Variants in MED12L observed in about 807,000 individuals in gnomAD.
MED12L encodes the protein mediator of RNA polymerase II transcription subunit 12-like protein.
MED12L carries 60 observed loss-of-function variants against 281.3 expected under a neutral mutation model. That is an observed-to-expected ratio of 0.21 (90% confidence interval 0.17 to 0.26). MED12L has a LOEUF of 0.26. Ranked by LOEUF, MED12L falls within the 10% of genes least tolerant of loss-of-function variation. The pLI is 1.00. For missense variants in MED12L, 2,146 were observed against 2,680.9 expected, an observed-to-expected ratio of 0.80 and a Z score of 4.41; for synonymous variants, 974 against 987.2, an observed-to-expected ratio of 0.99 and a Z score of 0.25.
chr3:151,423,207 G>A (rs932174428), intron 43 of MED12L, among the ~76,000 whole-genome samples: 3 of 151,160 alleles, frequency 2.0e-5, no homozygotes, highest in Non-Finnish European at 4.4e-5. Context: ...TATACTTTAA[G>A]TTCTGGGGTA....
At position 151,329,038 on chromosome 3, in the gene MED12L, A is replaced by T. The variant is rs367643722; in HGVS notation, c.2251-21021A>T. On this transcript the variant is annotated intron_variant, in intron 16 of 44. Coordinates refer to ENST00000687756, the MANE Select transcript of MED12L (RefSeq NM_001393769.1). ...ACCAATAAACATATATACAAACAAA[A>T]GAAAACAAAAAGCCCTTCATGATTT... 4.0e-6 allele frequency: 6 copies of T among 1,483,582 alleles called. No individual in the cohort carries two copies. The African/African-American group carries it at 7.1e-5, about 17-fold the overall frequency. The allele number at this position is 1,483,582 out of a possible 1,614,324, so 91.9% of individuals were successfully genotyped here. A position where few individuals can be genotyped will look rare whatever the true frequency, so the allele number is the denominator to read the frequency against.
In MED12L at chr3:151,237,748, T is replaced by C. The variant is rs180919328; in HGVS notation, c.2250+44082T>C. ...CAGTCCTCTCTGACGTTTTATCTTT[T>C]CAGATTAAAAATTTTTTTCTTATGA... On this transcript the variant is annotated intron_variant, in intron 16 of 44. Coordinates refer to ENST00000687756, the MANE Select transcript of MED12L (RefSeq NM_001393769.1). Among the ~76,000 whole-genome samples, 61 of 152,338 alleles carry C rather than the reference T, an allele frequency of 4.0e-4. No homozygotes were observed. In the East Asian group the frequency reaches 0.011, roughly 26 times the overall value.
chr3:151,279,818 G>C (rs1355939613), intron 16 of MED12L, among the ~76,000 whole-genome samples: 1 of 152,182 alleles, frequency 6.6e-6, no homozygotes, highest in East Asian at 1.9e-4. Flanking sequence ...GTATCTCTAA[G>C]GTGCGACTCT....
chr3:151,325,020 T>A (rs1749426776), intron 16 of MED12L, among the ~76,000 whole-genome samples: 1 of 152,228 alleles, frequency 6.6e-6, no homozygotes, highest in Non-Finnish European at 1.5e-5. Context: ...GAATACAGTT[T>A]ATGTCGGGGT....
At chr3:151,099,738 G>A (rs1243915081) in intron 2 of MED12L, among the ~76,000 whole-genome samples, 2 of 152,174 alleles carry the variant, frequency 1.3e-5, no homozygotes, top group Non-Finnish European at 2.9e-5. Flanking sequence ...ACATGCCATA[G>A]GGAACAAAGT....
At chr3:151,093,053 A>G (rs566708777) in intron 2 of MED12L, among the ~76,000 whole-genome samples, 23 of 152,314 alleles carry the variant, frequency 1.5e-4, no homozygotes, top group African/African-American at 5.1e-4. Flanking sequence ...AAAAATGGAC[A>G]TATATACTTT....
chr3:151,293,576 T>TACACACACACACACACAC lies in MED12L; in HGVS notation c.2251-56458_2251-56441dup, dbSNP rs55846173. ...ACAGAGGGTCCTAAAATGAAGCCCT[T>TACACACACACACACACAC]ACACACACACACACACACACACACA... On this transcript the variant is annotated intron_variant, in intron 16 of 44. Transcript: ENST00000687756. 1.4e-3 allele frequency among the ~76,000 whole-genome samples: 106 copies of TACACACACACACACACAC among 76,220 alleles called. 5 individuals carry two copies. The highest frequency in any genetic ancestry group is 6.1e-3 in the African/African-American group (100 of 16,376). The allele number at this position is 76,220 out of a possible 152,430, so 50.0% of individuals were successfully genotyped here.
At chr3:151,114,406 G>A (rs1031244104) in intron 2 of MED12L, among the ~76,000 whole-genome samples, 6 of 152,216 alleles carry the variant, frequency 3.9e-5, no homozygotes, top group African/African-American at 1.4e-4. Context: ...CATGTCTCCA[G>A]GAGACCTCTT....
chr3:151,203,731 ACAT>A (rs954044300), intron 16 of MED12L, among the ~76,000 whole-genome samples: 2 of 152,134 alleles, frequency 1.3e-5, no homozygotes, highest in South Asian at 2.1e-4. Context: ...TAAAAAAGGA[ACAT>A]CATTATGCAG....
chr3:151,110,694 T>C (rs1272536559), intron 2 of MED12L, among the ~76,000 whole-genome samples: 2 of 152,232 alleles, frequency 1.3e-5, no homozygotes, highest in African/African-American at 4.8e-5. Flanking sequence ...TAGTGTTCTA[T>C]AGGAAGTTAA....
chr3:151,220,455 GT>G (rs1234376279), intron 16 of MED12L, among the ~76,000 whole-genome samples: 1 of 152,146 alleles, frequency 6.6e-6, no homozygotes, highest in African/African-American at 2.4e-5. Context: ...TATGTCTGGA[GT>G]TTGGCACGTG....
At chr3:151,430,224 G>A (rs1719323862) in intron 43 of MED12L, 75 bp from the exon 44 acceptor site, 2 of 1,596,880 alleles carry the variant, frequency 1.3e-6, no homozygotes, top group East Asian at 2.2e-5. Flanking sequence ...GACTGGCCCT[G>A]CGAGTTAGTC....
chr3:151,402,921 T>G (rs747136341), intron 39 of MED12L, among the ~76,000 whole-genome samples: 12 of 152,162 alleles, frequency 7.9e-5, no homozygotes, highest in Non-Finnish European at 1.3e-4. Context: ...CTGTCCCCTT[T>G]CTGTAGGACT....
intron 16 of MED12L, among the ~76,000 whole-genome samples, chr3:151,196,330 A>C (rs1724652978): frequency 6.6e-6 from 1 of 152,208 alleles, no homozygotes; most frequent in Admixed American, 6.5e-5. Context: ...AGGATATGCT[A>C]ATATAACACT....
intron 16 of MED12L, among the ~76,000 whole-genome samples, chr3:151,345,296 A>G (rs1335177471): frequency 6.6e-6 from 1 of 152,204 alleles, no homozygotes; most frequent in African/African-American, 2.4e-5. Flanking sequence ...CAACAACTGT[A>G]TCCTTGAGGG....
At chr3:151,352,362 G>T (rs1405505630) in intron 17 of MED12L, among the ~76,000 whole-genome samples, 1 of 152,170 alleles carries the variant, frequency 6.6e-6, no homozygotes, top group African/African-American at 2.4e-5. Flanking sequence ...GAACCACATC[G>T]TTGGGAGGGG....
At chr3:151,410,536 G>A (rs1340246888) in intron 40 of MED12L, among the ~76,000 whole-genome samples, 1 of 152,190 alleles carries the variant, frequency 6.6e-6, no homozygotes, top group African/African-American at 2.4e-5. Flanking sequence ...AATTAGCATT[G>A]TGTTCTATAA....
chr3:151,148,405 G>C (rs1360537593), intron 5 of MED12L, among the ~76,000 whole-genome samples: 1 of 152,226 alleles, frequency 6.6e-6, no homozygotes, highest in Non-Finnish European at 1.5e-5. Flanking sequence ...TGAGGGTTGA[G>C]TAATGGTATA....
intron 16 of MED12L, among the ~76,000 whole-genome samples, chr3:151,334,196 C>CTTTTT (rs71138494): frequency 6.3e-4 from 75 of 118,166 alleles, no homozygotes; most frequent in African/African-American, 9.0e-4. Flanking sequence ...TTCTTTCTTT[C>CTTTTT]TTTTTTTTTT....
Sources: allele counts gnomAD v4.1 joint callset (sites outside exome capture counted in the v4.1 genomes callset), GRCh38; gene constraint gnomAD v4.1.1; transcripts MANE v1.5; gene names NCBI Gene and HGNC (gene_info 2026-07-23, HGNC 2026-07-21).